Variants in TULP4 observed in about 807,000 individuals in gnomAD.
The protein encoded by TULP4 is tubby-related protein 4.
In TULP4, 16 loss-of-function variants were observed where a neutral mutation model predicts 129.0. That is an observed-to-expected ratio of 0.12 (90% CI 0.08 to 0.19). The LOEUF is 0.19. Ranked by LOEUF, TULP4 falls within the 10% of genes least tolerant of loss-of-function variation. The pLI is 1.00. For missense variants in TULP4, 1,842 were observed against 2,059.1 expected (o/e 0.89, Z 2.04); for synonymous variants, 998 against 854.0 (o/e 1.17, Z -2.94).
intron 12 of TULP4, among the ~76,000 whole-genome samples, chr6:158,500,438 A>G (rs1780418734): frequency 6.6e-6 from 1 of 152,210 alleles, no homozygotes; most frequent in African/African-American, 2.4e-5. Flanking sequence ...TTGATTCTGT[A>G]GTTCTTTTGA....
intron 13 of TULP4, among the ~76,000 whole-genome samples, chr6:158,505,367 C>T (rs1249158139): frequency 1.3e-5 from 2 of 152,364 alleles, no homozygotes; most frequent in Non-Finnish European, 2.9e-5. Context: ...CCACTCTGGC[C>T]AGCCGCCTCT....
intron 1 of TULP4, among the ~76,000 whole-genome samples, chr6:158,265,160 G>A (rs1336423733): frequency 1.3e-5 from 2 of 152,116 alleles, no homozygotes; most frequent in African/African-American, 4.8e-5. Context: ...CTTGCAGATG[G>A]GAAAGCTGAC....
intron 1 of TULP4, among the ~76,000 whole-genome samples, chr6:158,326,953 C>T (rs535433852): frequency 1.2e-4 from 19 of 152,236 alleles, no homozygotes; most frequent in African/African-American, 4.6e-4. Flanking sequence ...ACAAAATCAA[C>T]GTTTGTATGC....
chr6:158,259,886 C>T (rs878951109), intron 1 of TULP4, among the ~76,000 whole-genome samples: 1 of 151,994 alleles, frequency 6.6e-6, no homozygotes, highest in Admixed American at 6.6e-5. Context: ...AGGGCAAGAC[C>T]TGGGAGGGTC....
At chr6:158,471,436 T>C (rs1779680586) in intron 6 of TULP4, among the ~76,000 whole-genome samples, 1 of 152,190 alleles carries the variant, frequency 6.6e-6, no homozygotes, top group East Asian at 1.9e-4. Context: ...CTAAGGATAC[T>C]ATGGAATTGG....
intron 1 of TULP4, among the ~76,000 whole-genome samples, chr6:158,336,502 A>G (rs1327722373): frequency 1.3e-5 from 2 of 152,196 alleles, no homozygotes; most frequent in African/African-American, 4.8e-5. Flanking sequence ...CTTTTTCCAC[A>G]TGTAAGTGAT....
At chr6:158,253,856 G>A (rs1371496873) in intron 1 of TULP4, among the ~76,000 whole-genome samples, 3 of 152,006 alleles carry the variant, frequency 2.0e-5, no homozygotes, top group Admixed American at 6.5e-5. Flanking sequence ...CCAACATGGC[G>A]AAACTCCGTC....
intron 1 of TULP4, among the ~76,000 whole-genome samples, chr6:158,288,901 T>C (rs1041081261): frequency 6.6e-6 from 1 of 152,234 alleles, no homozygotes; most frequent in African/African-American, 2.4e-5. Flanking sequence ...ATAGATTATA[T>C]TTCTAATTAG....
At chr6:158,354,226 T>TG (rs11448337) in intron 1 of TULP4, among the ~76,000 whole-genome samples, 139,969 of 152,228 alleles carry the variant, frequency 0.92, 64,531 homozygotes, top group Admixed American at 0.95. Context: ...ATTTAATAAT[T>TG]TTGGTTGACG....
chr6:158,434,668 A>G (rs947991700), intron 3 of TULP4, among the ~76,000 whole-genome samples: 11 of 152,182 alleles, frequency 7.2e-5, no homozygotes, highest in African/African-American at 2.2e-4. Flanking sequence ...CTAACTGTCA[A>G]TTCACTTGGA....
rs777208670 is a variant in TULP4 at position 158,314,217 on chromosome 6, C to G, written c.201C>G (p.Asp67Glu). The change falls in exon 1 of 14, where the codon GAC (aspartate) becomes GAG (glutamate). Residue 67 changes from aspartate to glutamate, a missense_variant. Around this residue, in one of 5 missense-constraint regions of TULP4, gnomAD observed 151 missense variants for 268.7 expected, o/e 0.56. Coordinates refer to ENST00000367097, the MANE Select transcript of TULP4 (RefSeq NM_020245.5). ...VTFTSSHCRRDRSTPQRINFN... is the reference protein window; with the variant it reads ...VTFTSSHCRRERSTPQRINFN... ...TCACCTCTAGTCACTGTCGCAGGGA[C>G]AGGAGTACTCCACAGAGGATAAATT... is the stretch of plus-strand genomic sequence containing the variant. 2 of 1,614,040 alleles carry G rather than the reference C, an allele frequency of 1.2e-6. No homozygotes were observed. The highest frequency in any genetic ancestry group is 2.7e-5 in the African/African-American group (2 of 74,906).
chr6:158,461,962 AG>A (rs1203495065), intron 6 of TULP4, among the ~76,000 whole-genome samples: 1 of 152,190 alleles, frequency 6.6e-6, no homozygotes, highest in Non-Finnish European at 1.5e-5. Flanking sequence ...GTTTATCATC[AG>A]TCTGAAGCAG....
At chr6:158,256,205 A>G (rs9348208) in intron 1 of TULP4, among the ~76,000 whole-genome samples, 50,007 of 152,110 alleles carry the variant, frequency 0.33, 9,216 homozygotes, top group Admixed American at 0.45. Context: ...GTGTCCAGAA[A>G]GCACAGAAGA....
intron 1 of TULP4, among the ~76,000 whole-genome samples, chr6:158,336,557 G>GA (rs1324705011): frequency 2.0e-5 from 3 of 152,084 alleles, no homozygotes; most frequent in Non-Finnish European, 4.4e-5. Flanking sequence ...AAAAGACTCA[G>GA]AAAAAAGAAT....
At chr6:158,412,996 A>C in intron 1 of TULP4, 69 bp from the exon 2 acceptor site, 1 of 1,550,560 alleles carries the variant, frequency 6.4e-7, no homozygotes, top group Non-Finnish European at 8.7e-7. Flanking sequence ...AAGTCTGATC[A>C]CATCACAGAA....
At chr6:158,468,608 T>A (rs1389935099) in intron 6 of TULP4, among the ~76,000 whole-genome samples, 1 of 152,226 alleles carries the variant, frequency 6.6e-6, no homozygotes, top group Non-Finnish European at 1.5e-5. Flanking sequence ...TACAGCATAG[T>A]TTATGTAAGG....
intron 6 of TULP4, among the ~76,000 whole-genome samples, chr6:158,472,488 G>A (rs1206127626): frequency 6.6e-6 from 1 of 152,034 alleles, no homozygotes; most frequent in African/African-American, 2.4e-5. Context: ...GTTAAATAAT[G>A]ATGCCATTAA....
intron 1 of TULP4, among the ~76,000 whole-genome samples, chr6:158,375,838 G>A (rs1362234877): frequency 2.0e-5 from 3 of 152,264 alleles, no homozygotes; most frequent in Non-Finnish European, 4.4e-5. Context: ...TAAGAAGCCA[G>A]AGTAGTGGGG....
chr6:158,401,046 GTT>G (rs148542580), intron 1 of TULP4, among the ~76,000 whole-genome samples: 2 of 120,682 alleles, frequency 1.7e-5, no homozygotes, highest in African/African-American at 2.8e-5. Flanking sequence ...GTTTGTTTGG[GTT>G]TTTTGTTGTT....
Sources: allele counts gnomAD v4.1 joint callset (sites outside exome capture counted in the v4.1 genomes callset), GRCh38; gene constraint gnomAD v4.1.1; regional missense constraint gnomAD v4.1.1; transcripts MANE v1.5; gene names NCBI Gene and HGNC (gene_info 2026-07-23, HGNC 2026-07-21).